GRM5: variants seen among roughly 807,000 people sequenced by gnomAD.
GRM5 encodes the protein glutamate metabotropic receptor 5.
GRM5 carries 19 observed loss-of-function variants against 83.1 expected under a neutral mutation model. The ratio of observed to expected loss-of-function variants is 0.23; its 90% CI spans 0.16 to 0.34. The LOEUF (loss-of-function observed/expected upper bound fraction) is 0.34, where lower values mean the gene tolerates loss of function less well. Among genes scored for constraint, GRM5 ranks in the 10% least tolerant of loss-of-function variants. The pLI, the probability that GRM5 is intolerant of heterozygous loss-of-function variation, is 1.00. For synonymous variants in GRM5, 675 were observed against 633.6 expected (o/e 1.07, Z -0.98); for missense variants, 1,160 against 1,588.3 (o/e 0.73, Z 4.58).
At chr11:88,621,115 C>T (rs187452347) in intron 4 of GRM5, among the ~76,000 whole-genome samples, 1 of 152,184 alleles carries the variant, frequency 6.6e-6, no homozygotes, top group Admixed American at 6.5e-5. Flanking sequence ...TGAAAGAATT[C>T]CACAGGGACA....
At chr11:88,591,054 C>T (rs1387206026) in intron 6 of GRM5, among the ~76,000 whole-genome samples, 1 of 152,156 alleles carries the variant, frequency 6.6e-6, no homozygotes, top group East Asian at 1.9e-4. Context: ...ACTGAATTCA[C>T]CCCAGGATCT....
chr11:88,664,870 C>T (rs1222729064), intron 3 of GRM5, among the ~76,000 whole-genome samples: 7 of 152,080 alleles, frequency 4.6e-5, no homozygotes, highest in African/African-American at 1.4e-4. Flanking sequence ...TGAGCAACCA[C>T]GAATTTTAGA....
chr11:88,823,589 A>C (rs574230513), intron 3 of GRM5, among the ~76,000 whole-genome samples: 1 of 151,354 alleles, frequency 6.6e-6, no homozygotes, highest in African/African-American at 2.4e-5. Flanking sequence ...ATTTTACATC[A>C]GGAAGTACTA....
intron 2 of GRM5, among the ~76,000 whole-genome samples, chr11:88,908,547 C>G (rs1489404816): frequency 6.6e-6 from 1 of 152,034 alleles, no homozygotes; most frequent in Non-Finnish European, 1.5e-5. Context: ...AATGACTGCT[C>G]AAAGCATAAA....
intron 3 of GRM5, among the ~76,000 whole-genome samples, chr11:88,692,058 G>A (rs1940793740): frequency 6.6e-6 from 1 of 152,128 alleles, no homozygotes; most frequent in Non-Finnish European, 1.5e-5. Flanking sequence ...ACTGGAAGCT[G>A]CACACCATTT....
chr11:88,925,469 C>T (rs542235219), intron 2 of GRM5, among the ~76,000 whole-genome samples: 1 of 152,276 alleles, frequency 6.6e-6, no homozygotes, highest in East Asian at 1.9e-4. Flanking sequence ...TGACATATCA[C>T]ATCCTTACAA....
intron 2 of GRM5, among the ~76,000 whole-genome samples, chr11:88,983,004 T>G (rs1473181006): frequency 6.6e-6 from 1 of 152,174 alleles, no homozygotes; most frequent in Admixed American, 6.5e-5. Flanking sequence ...AGGCGGAGGT[T>G]GCAGTGAGCT....
intron 2 of GRM5, among the ~76,000 whole-genome samples, chr11:88,999,043 A>C (rs1328108833): frequency 2.0e-5 from 3 of 152,308 alleles, no homozygotes; most frequent in African/African-American, 7.2e-5. Context: ...ATATGTAGAA[A>C]GCTGAAACTG....
chr11:89,038,837 TG>T (rs1941456204), intron 2 of GRM5, among the ~76,000 whole-genome samples: 1 of 152,212 alleles, frequency 6.6e-6, no homozygotes, highest in South Asian at 2.1e-4. Context: ...TCAAAGGAGT[TG>T]GCTTTGGATC....
rs367750061 is a variant in GRM5 at position 88,525,537 on chromosome 11, A to G, written c.2631-133T>C. ...ATGGGGGTTCCTGCTTCTCAATGCAATGACCAACCTGTGATACTTATTAGA... is the reference window on the plus strand; with the variant it reads ...ATGGGGGTTCCTGCTTCTCAATGCAGTGACCAACCTGTGATACTTATTAGA... On this transcript the variant is annotated intron_variant, in intron 8 of 9. Transcript: ENST00000305447. The G allele has an allele frequency of 1.0e-4, 66 of 657,708 alleles. 1 individual carries two copies. In the African/African-American group the frequency reaches 1.1e-3, roughly 11 times the overall value. 40.7% of individuals were successfully genotyped at this position (657,708 alleles called of 1,614,324 possible). A position where few individuals can be genotyped will look rare whatever the true frequency, so the allele number is the denominator to read the frequency against.
At chr11:88,833,852 T>C (rs1371771990) in intron 3 of GRM5, among the ~76,000 whole-genome samples, 2 of 152,134 alleles carry the variant, frequency 1.3e-5, no homozygotes, top group Non-Finnish European at 2.9e-5. Context: ...TATGTTAAGT[T>C]AAATAAGCCA....
intron 3 of GRM5, among the ~76,000 whole-genome samples, chr11:88,839,323 A>G (rs575592870): frequency 6.6e-6 from 1 of 152,336 alleles, no homozygotes; most frequent in South Asian, 2.1e-4. Flanking sequence ...AACATATTCC[A>G]ATGAGCTACC....
intron 7 of GRM5, among the ~76,000 whole-genome samples, chr11:88,581,401 C>T (rs1252227685): frequency 2.0e-5 from 3 of 152,158 alleles, no homozygotes; most frequent in Non-Finnish European, 4.4e-5. Context: ...TAAAAATTTC[C>T]GTGCTTTAAG....
intron 2 of GRM5, among the ~76,000 whole-genome samples, chr11:88,934,316 T>C (rs1937818886): frequency 6.6e-6 from 1 of 151,874 alleles, no homozygotes; most frequent in Non-Finnish European, 1.5e-5. Context: ...ACAAGGTTAA[T>C]AACTCTTATC....
chr11:88,857,890 G>A (rs1944502237), intron 2 of GRM5, among the ~76,000 whole-genome samples: 1 of 152,066 alleles, frequency 6.6e-6, no homozygotes, highest in African/African-American at 2.4e-5. Context: ...AGATTTAGGT[G>A]TTTAGGAACC....
chr11:88,767,387 C>T (rs1024605588), intron 3 of GRM5, among the ~76,000 whole-genome samples: 1 of 151,942 alleles, frequency 6.6e-6, no homozygotes, highest in Non-Finnish European at 1.5e-5. Flanking sequence ...ATATTCATTG[C>T]AGCACTATTC....
At chr11:88,873,492 G>A (rs1373984933) in intron 2 of GRM5, among the ~76,000 whole-genome samples, 1 of 151,536 alleles carries the variant, frequency 6.6e-6, no homozygotes, top group Non-Finnish European at 1.5e-5. Flanking sequence ...ATTTAAAAAT[G>A]TTAAAATTAT....
intron 4 of GRM5, among the ~76,000 whole-genome samples, chr11:88,607,990 G>A (rs1246989807): frequency 1.3e-5 from 2 of 152,214 alleles, no homozygotes; most frequent in Non-Finnish European, 2.9e-5. Context: ...GTCCTTCAAT[G>A]ATTTAGCACA....
chr11:88,721,823 G>A (rs61356415), intron 3 of GRM5, among the ~76,000 whole-genome samples: 3,680 of 152,202 alleles, frequency 0.024, 147 homozygotes, highest in African/African-American at 0.082. Context: ...CATCAAATAT[G>A]TGAAAAGAAA....
Sources: gnomAD v4.1 joint callset for allele counts (sites outside exome capture counted in the v4.1 genomes callset) on GRCh38, gnomAD v4.1.1 for gene constraint, MANE v1.5 for transcripts, NCBI Gene and HGNC (gene_info 2026-07-23, HGNC 2026-07-21) for gene names.